TAFA2: variants seen among roughly 807,000 people sequenced by gnomAD.
TAFA2 encodes chemokine-like protein TAFA-2.
In TAFA2, 7 loss-of-function variants were observed where a neutral mutation model predicts 18.8. That is an observed-to-expected ratio of 0.37 (90% CI 0.21 to 0.70). TAFA2 has a LOEUF of 0.70. Ranked by LOEUF, TAFA2 falls within the 30% of genes least tolerant of loss-of-function variation. The pLI, the probability that TAFA2 is intolerant of heterozygous loss-of-function variation, is 0.53. For synonymous variants in TAFA2, 60 were observed against 54.2 expected, an observed-to-expected ratio of 1.11 and a Z score of -0.47; for missense variants, 122 against 158.1, an observed-to-expected ratio of 0.77 and a Z score of 1.23.
intron 2 of TAFA2, among the ~76,000 whole-genome samples, chr12:61,793,264 A>G (rs1871057101): frequency 6.6e-6 from 1 of 151,576 alleles, no homozygotes; most frequent in Non-Finnish European, 1.5e-5. Context: ...TTAGAATTAA[A>G]GTTGGTGAAC....
intron 1 of TAFA2, among the ~76,000 whole-genome samples, chr12:62,154,276 G>T (rs1258299893): frequency 1.3e-5 from 2 of 152,062 alleles, no homozygotes; most frequent in Non-Finnish European, 2.9e-5. Flanking sequence ...TCTAACTATT[G>T]TGTCTGTGAT....
intron 1 of TAFA2, among the ~76,000 whole-genome samples, chr12:62,170,974 T>C (rs1196622748): frequency 6.6e-6 from 1 of 152,200 alleles, no homozygotes; most frequent in African/African-American, 2.4e-5. Context: ...TACACTCCTG[T>C]AGCATTTCTA....
chr12:61,943,483 GC>G (rs1306943162), intron 1 of TAFA2, among the ~76,000 whole-genome samples: 1 of 144,996 alleles, frequency 6.9e-6, no homozygotes, highest in Non-Finnish European at 1.5e-5. Flanking sequence ...TGGACTAAAT[GC>G]TCCAATTAAA....
rs563602301 is a variant in TAFA2, at chr12:61,752,403, C to T, written c.384+1219G>A. On this transcript the variant is annotated intron_variant, in intron 4 of 4. Coordinates refer to ENST00000416284, the MANE Select transcript of TAFA2 (RefSeq NM_178539.5). The stretch of plus-strand genomic sequence containing the variant: ...GTTTTTGGACTGAGAATTAATAGTG[C>T]TAGGGAAAATATTTTCATGGTATAA... 4.6e-5 allele frequency among the ~76,000 whole-genome samples: 7 copies of T among 151,960 alleles called. No individual in the cohort carries two copies. The East Asian group carries it at 1.4e-3, about 29-fold the overall frequency.
At chr12:62,119,505 G>A (rs941214214) in intron 1 of TAFA2, among the ~76,000 whole-genome samples, 2 of 152,068 alleles carry the variant, frequency 1.3e-5, no homozygotes, top group African/African-American at 4.8e-5. Context: ...CCACAATATG[G>A]GAAAGGCAAG....
chr12:61,764,543 C>A (rs905894771), intron 2 of TAFA2, among the ~76,000 whole-genome samples: 6 of 151,910 alleles, frequency 3.9e-5, no homozygotes, highest in African/African-American at 1.5e-4. Context: ...TGGAGTAAGG[C>A]ATTTAGGTCT....
At chr12:61,950,737 A>G (rs1427877731) in intron 1 of TAFA2, among the ~76,000 whole-genome samples, 1 of 152,118 alleles carries the variant, frequency 6.6e-6, no homozygotes, top group Non-Finnish European at 1.5e-5. Context: ...TCTTTCTCAT[A>G]CTAGTTTGGT....
intron 4 of TAFA2, among the ~76,000 whole-genome samples, chr12:61,740,709 A>T (rs1375460049): frequency 6.6e-6 from 1 of 152,030 alleles, no homozygotes; most frequent in Non-Finnish European, 1.5e-5. Context: ...TAGATGCAAA[A>T]AAAAAGTTTG....
Position 61,819,691 on chromosome 12 carries a change from C to A in TAFA2, c.106+47629G>T, listed in dbSNP as rs909645015. Among the ~76,000 whole-genome samples, 13 of 152,196 alleles carry A rather than the reference C, an allele frequency of 8.5e-5. No individual in the cohort carries two copies. In the East Asian group the frequency reaches 2.3e-3, roughly 27 times the overall value. On this transcript the variant is annotated intron_variant, in intron 2 of 4. Coordinates refer to ENST00000416284, the MANE Select transcript of TAFA2 (RefSeq NM_178539.5). ...TCCAAAATTCCACTGCATCCAGATG[C>A]CTAATTTGCTAACTATTCATTTGCC...
chr12:62,073,043 G>A (rs1882673156), intron 1 of TAFA2, among the ~76,000 whole-genome samples: 1 of 152,218 alleles, frequency 6.6e-6, no homozygotes, highest in African/African-American at 2.4e-5. Context: ...GAGCAGCACA[G>A]AGGACAGAGC....
chr12:62,172,689 C>T (rs1420792968), intron 1 of TAFA2, among the ~76,000 whole-genome samples: 1 of 152,152 alleles, frequency 6.6e-6, no homozygotes, highest in African/African-American at 2.4e-5. Context: ...AGGTAAAATG[C>T]TCAGTATAAA....
At chr12:62,131,389 A>G (rs1245436) in intron 1 of TAFA2, among the ~76,000 whole-genome samples, 99,506 of 151,924 alleles carry the variant, frequency 0.65, 32,688 homozygotes, top group Admixed American at 0.7. Flanking sequence ...ATGCCGGGGC[A>G]GCGGGTTGCT....
chr12:61,974,774 A>G (rs906828865), intron 1 of TAFA2, among the ~76,000 whole-genome samples: 2 of 151,732 alleles, frequency 1.3e-5, no homozygotes, highest in Non-Finnish European at 2.9e-5. Context: ...TGGTAGAAAA[A>G]TCTGTGTGCT....
intron 1 of TAFA2, among the ~76,000 whole-genome samples, chr12:61,960,115 T>C (rs1878831291): frequency 6.6e-6 from 1 of 152,132 alleles, no homozygotes; most frequent in Non-Finnish European, 1.5e-5. Flanking sequence ...AGATTTTTAT[T>C]TGTGATTTCA....
intron 4 of TAFA2, among the ~76,000 whole-genome samples, chr12:61,716,492 G>A (rs1869665779): frequency 6.6e-6 from 1 of 151,752 alleles, no homozygotes; most frequent in African/African-American, 2.4e-5. Context: ...AATTTCAGTT[G>A]TTCCATTTGC....
upstream of TAFA2, among the ~76,000 whole-genome samples, chr12:62,196,500 G>A (rs1471055662): frequency 6.6e-6 from 1 of 152,168 alleles, no homozygotes; most frequent in African/African-American, 2.4e-5. Context: ...ACAGACCACT[G>A]TAGGGTTATA....
chr12:62,022,521 G>A (rs1359649974), intron 1 of TAFA2, among the ~76,000 whole-genome samples: 1 of 152,086 alleles, frequency 6.6e-6, no homozygotes, highest in African/African-American at 2.4e-5. Flanking sequence ...TACTTTTTGA[G>A]TGTTACCATG....
chr12:62,074,623 C>T (rs1882714653), intron 1 of TAFA2, among the ~76,000 whole-genome samples: 1 of 151,904 alleles, frequency 6.6e-6, no homozygotes, highest in African/African-American at 2.4e-5. Context: ...AATTTGTTTT[C>T]ATACAGACAG....
At chr12:62,078,809 A>G (rs1195657205) in intron 1 of TAFA2, among the ~76,000 whole-genome samples, 1 of 150,552 alleles carries the variant, frequency 6.6e-6, no homozygotes, top group African/African-American at 2.4e-5. Context: ...ATTTCTATTT[A>G]TGCAAGAGCC....
Sources: allele counts gnomAD v4.1 joint callset (sites outside exome capture counted in the v4.1 genomes callset), GRCh38; gene constraint gnomAD v4.1.1; transcripts MANE v1.5; gene names NCBI Gene and HGNC (gene_info 2026-07-23, HGNC 2026-07-21).